Variants in C4orf36 observed in about 807,000 individuals in gnomAD.
C4orf36 encodes chromosome 4 open reading frame 36, also known as uncharacterized protein C4orf36.
Under a neutral mutation model 12.2 loss-of-function variants are expected in C4orf36, and 11 were observed. The observed-to-expected ratio is 0.90, with a 90% CI of 0.57 to 1.49. The LOEUF is 1.49. C4orf36 is among the 40% of genes most tolerant of loss of function. The pLI, the probability that C4orf36 is intolerant of heterozygous loss-of-function variation, is 0.00. For missense variants in C4orf36, 137 were observed against 133.9 expected (o/e 1.02, Z -0.11); for synonymous variants, 54 against 51.3 (o/e 1.05, Z -0.22).
the C4orf36 span, among the ~76,000 whole-genome samples, chr4:86,912,907 TTTC>T: frequency 6.6e-6 from 1 of 151,996 alleles, no homozygotes. Flanking sequence ...AGTTTTCGCT[TTTC>T]TTTTTTTTTT....
chr4:86,910,909 C>CA, the C4orf36 span, among the ~76,000 whole-genome samples: 77 of 149,828 alleles, frequency 5.1e-4, no homozygotes, highest in South Asian at 6.5e-3. Flanking sequence ...ACTAAAGATA[C>CA]AAAAAAAATA....
chr4:86,890,008 A>G (rs927338331), intron 2 of C4orf36: 6 of 450,798 alleles, frequency 1.3e-5, no homozygotes, highest in Non-Finnish European at 1.8e-5. Context: ...CTGGGCAACA[A>G]AGTGAGACCC....
the C4orf36 span, among the ~76,000 whole-genome samples, chr4:86,906,793 A>ACTTT: frequency 2.7e-5 from 4 of 150,608 alleles, no homozygotes; most frequent in African/African-American, 9.8e-5. Flanking sequence ...TAATCCCAGC[A>ACTTT]CTTTGGGAGG....
At chr4:86,910,337 G>A in the C4orf36 span, among the ~76,000 whole-genome samples, 3 of 152,190 alleles carry the variant, frequency 2.0e-5, no homozygotes, top group Admixed American at 6.5e-5. Context: ...ACTTGAACCC[G>A]GGAGGTGGAG....
intron 4 of C4orf36, among the ~76,000 whole-genome samples, chr4:86,877,496 G>T (rs968136252): frequency 6.6e-6 from 1 of 152,162 alleles, no homozygotes; most frequent in African/African-American, 2.4e-5. Flanking sequence ...GAGCACACTG[G>T]AATTTTATGA....
At chr4:86,918,457 T>C in the C4orf36 span, among the ~76,000 whole-genome samples, 1 of 152,236 alleles carries the variant, frequency 6.6e-6, no homozygotes, top group African/African-American at 2.4e-5. Flanking sequence ...AAAATGTTTC[T>C]TCCTATCCTG....
chr4:86,916,356 A>C, the C4orf36 span, among the ~76,000 whole-genome samples: 1 of 134,052 alleles, frequency 7.5e-6, no homozygotes, highest in Non-Finnish European at 1.6e-5. Context: ...ATGACATACT[A>C]TGTGGATGCA....
At chr4:86,888,311 T>C (rs367911414) in intron 2 of C4orf36, 36 bp from the exon 3 acceptor site, 4 of 1,586,788 alleles carry the variant, frequency 2.5e-6, no homozygotes, top group East Asian at 2.2e-5. Context: ...TCAATAAATA[T>C]TGATTAAGCA....
chr4:86,887,913 A>G lies in C4orf36; in HGVS notation c.221-20T>C. ...TGATAGCTGAAAAAGAAAATACACAAAACAATCTGACATACATTTTTCATC... is the reference window on the plus strand; with the variant it reads ...TGATAGCTGAAAAAGAAAATACACAGAACAATCTGACATACATTTTTCATC... On this transcript the variant is annotated intron_variant, in intron 3 of 4. Coordinates refer to ENST00000295898, the MANE Select transcript of C4orf36 (RefSeq NM_144645.4). 6.2e-7 allele frequency: 1 copy of G among 1,613,706 alleles called. No individual in the cohort carries two copies. The highest frequency in any genetic ancestry group is 8.5e-7 in the Non-Finnish European group (1 of 1,179,894).
At chr4:86,919,590 G>A in the C4orf36 span, among the ~76,000 whole-genome samples, 3 of 152,064 alleles carry the variant, frequency 2.0e-5, no homozygotes, top group South Asian at 6.2e-4. Context: ...CTCCCAAAGT[G>A]CTCGGATTAC....
the C4orf36 span, chr4:86,936,066 T>A: frequency 6.6e-6 from 1 of 152,066 alleles, no homozygotes; most frequent in African/African-American, 2.4e-5. Flanking sequence ...AGTTTTCTCT[T>A]CCCGGAGCTT....
At chr4:86,897,069 G>T (rs72876032), upstream of C4orf36, among the ~76,000 whole-genome samples, 165 of 152,198 alleles carry the variant, frequency 1.1e-3, 1 homozygote, top group African/African-American at 3.7e-3. Context: ...TGTTTAAAGG[G>T]CTCTAAAATG....
chr4:86,894,943 G>A (rs188638241), upstream of C4orf36, among the ~76,000 whole-genome samples: 2 of 152,162 alleles, frequency 1.3e-5, no homozygotes, highest in African/African-American at 2.4e-5. Flanking sequence ...CTTAAACTTC[G>A]TGAGAAATTC....
upstream of C4orf36, among the ~76,000 whole-genome samples, chr4:86,896,979 C>T (rs1040501607): frequency 9.9e-5 from 15 of 152,094 alleles, no homozygotes; most frequent in African/African-American, 3.6e-4. Context: ...TCATTCTTAG[C>T]CACTTTACAT....
chr4:86,928,710 T>C, the C4orf36 span, among the ~76,000 whole-genome samples: 1 of 152,126 alleles, frequency 6.6e-6, no homozygotes, highest in East Asian at 1.9e-4. Flanking sequence ...TCCATCCTCA[T>C]TTTTTACCAT....
chr4:86,887,741 T>C lies in C4orf36; in HGVS notation c.*2+17A>G, dbSNP rs772607229. On this transcript the variant is annotated intron_variant, in intron 4 of 4. Coordinates refer to ENST00000295898, the MANE Select transcript of C4orf36 (RefSeq NM_144645.4). ...TTGGATGCAAGACACAGAGTACAGA[T>C]TCAATCATGAACTGACTGTCATTTA... 6.2e-7 allele frequency: 1 copy of C among 1,613,984 alleles called. No homozygotes were observed. The highest frequency in any genetic ancestry group is 8.5e-7 in the Non-Finnish European group (1 of 1,179,984).
the C4orf36 span, among the ~76,000 whole-genome samples, chr4:86,910,920 G>A: frequency 1.3e-5 from 2 of 150,812 alleles, no homozygotes; most frequent in Non-Finnish European, 3.0e-5. Flanking sequence ...AAAAAAAATA[G>A]CTAAAAAAAA....
chr4:86,924,153 A>G, the C4orf36 span, among the ~76,000 whole-genome samples: 13 of 151,860 alleles, frequency 8.6e-5, no homozygotes, highest in Admixed American at 3.3e-4. Context: ...CCATCCTCCA[A>G]CCTAAGCCTC....
chr4:86,888,159 C>T lies in C4orf36; in HGVS notation c.182G>A (p.Cys61Tyr), dbSNP rs368332842. 8 of 1,614,082 alleles carry T rather than the reference C, an allele frequency of 5.0e-6. No homozygotes were observed. Among genetic ancestry groups the T allele is most frequent in the Admixed American group, 1.7e-5 (1 of 60,008 alleles). ...SFGGSVQLTK[C>Y]TTIKDGLLPS... Reference sequence around the variant, plus strand: ...GAGCAGTCCATCTTTAATGGTGGTACATTTTGTGAGCTGCACAGAACCACC... The same window carrying T: ...GAGCAGTCCATCTTTAATGGTGGTATATTTTGTGAGCTGCACAGAACCACC... Residue 61 changes from cysteine (C) to tyrosine (Y), a missense_variant, in exon 3 of 5, where the codon TGT becomes TAT. Cys to Tyr is a radical substitution (Grantham distance 194). Transcript: ENST00000295898.
Sources: gnomAD v4.1 joint callset for allele counts (sites outside exome capture counted in the v4.1 genomes callset) on GRCh38, gnomAD v4.1.1 for gene constraint, MANE v1.5 for transcripts, NCBI Gene and HGNC (gene_info 2026-07-23, HGNC 2026-07-21) for gene names.